NKAIN2: variants seen among roughly 807,000 people sequenced by gnomAD.
NKAIN2 encodes sodium/potassium transporting ATPase interacting 2, also known as sodium/potassium-transporting ATPase subunit beta-1-interacting protein 2.
Under a neutral mutation model 32.6 loss-of-function variants are expected in NKAIN2, and 14 were observed. The observed-to-expected ratio is 0.43, with a 90% CI of 0.28 to 0.67. The LOEUF (loss-of-function observed/expected upper bound fraction) is 0.67, where lower values mean the gene tolerates loss of function less well. Among genes scored for constraint, NKAIN2 ranks in the 30% least tolerant of loss-of-function variants. NKAIN2 has a pLI of 0.17. For missense variants in NKAIN2, 198 were observed against 258.3 expected (o/e 0.77, Z 1.60); for synonymous variants, 80 against 87.2 (o/e 0.92, Z 0.46).
At chr6:124,006,039 C>T (rs1037135368) in intron 1 of NKAIN2, among the ~76,000 whole-genome samples, 1 of 152,148 alleles carries the variant, frequency 6.6e-6, no homozygotes, top group Non-Finnish European at 1.5e-5. Context: ...GTACAAAATG[C>T]TGTTGTTATG....
chr6:124,433,100 A>G (rs1775287099), intron 3 of NKAIN2, among the ~76,000 whole-genome samples: 1 of 152,154 alleles, frequency 6.6e-6, no homozygotes, highest in African/African-American at 2.4e-5. Context: ...TCGACTTTGG[A>G]GAAAACCTGG....
intron 1 of NKAIN2, among the ~76,000 whole-genome samples, chr6:124,159,724 A>C (rs553820065): frequency 1.3e-5 from 2 of 152,310 alleles, no homozygotes; most frequent in South Asian, 4.1e-4. Context: ...GGAACTAGGA[A>C]ACAAAGGATT....
At chr6:124,398,293 A>C (rs947666200) in intron 3 of NKAIN2, among the ~76,000 whole-genome samples, 1 of 149,566 alleles carries the variant, frequency 6.7e-6, no homozygotes, top group Non-Finnish European at 1.5e-5. Context: ...GATGAGCCCA[A>C]ATTACAGAAT....
At chr6:124,496,330 C>T (rs964172758) in intron 3 of NKAIN2, among the ~76,000 whole-genome samples, 3 of 152,062 alleles carry the variant, frequency 2.0e-5, no homozygotes, top group African/African-American at 7.2e-5. Context: ...GTATGGATAA[C>T]CTTTTTTTAA....
chr6:123,858,358 TGCCCGCCTCG>T (rs1353109142), intron 1 of NKAIN2, among the ~76,000 whole-genome samples: 8 of 152,108 alleles, frequency 5.3e-5, no homozygotes, highest in African/African-American at 1.9e-4. Flanking sequence ...TCAGGTGATC[TGCCCGCCTCG>T]GCCTCCCAAA....
At chr6:123,946,783 A>C (rs952146358) in intron 1 of NKAIN2, among the ~76,000 whole-genome samples, 1 of 152,122 alleles carries the variant, frequency 6.6e-6, no homozygotes, top group Non-Finnish European at 1.5e-5. Flanking sequence ...GTAAAAGTTT[A>C]AGACAGCTGC....
chr6:124,468,300 A>G (rs1304156950), intron 3 of NKAIN2, among the ~76,000 whole-genome samples: 1 of 152,174 alleles, frequency 6.6e-6, no homozygotes, highest in Non-Finnish European at 1.5e-5. Context: ...TTAAAATGTC[A>G]ATGTCAACCA....
chr6:124,737,899 T>C (rs1485730857), intron 4 of NKAIN2, among the ~76,000 whole-genome samples: 1 of 151,892 alleles, frequency 6.6e-6, no homozygotes, highest in African/African-American at 2.4e-5. Flanking sequence ...GAGAGATGAC[T>C]TAGGGTATCT....
chr6:124,225,691 TATTG>T lies in NKAIN2; in HGVS notation c.55-57310_55-57307del, dbSNP rs137908990. Among the ~76,000 whole-genome samples, 380 of 152,122 alleles carry T rather than the reference TATTG, an allele frequency of 2.5e-3. 2 individuals carry two copies. Among genetic ancestry groups the T allele is most frequent in the African/African-American group, 8.8e-3 (367 of 41,518 alleles). On this transcript the variant is annotated intron_variant, in intron 1 of 6. Transcript: ENST00000368417. Reference sequence around the variant, plus strand: ...TAAAAATATGAGAAACACTTATTTTTATTGATTATTTTCAAATATGTATAATATA... The same window carrying T: ...TAAAAATATGAGAAACACTTATTTTTATTATTTTCAAATATGTATAATATA...
At chr6:124,532,979 G>A (rs1303444483) in intron 3 of NKAIN2, among the ~76,000 whole-genome samples, 1 of 152,134 alleles carries the variant, frequency 6.6e-6, no homozygotes, top group Non-Finnish European at 1.5e-5. Flanking sequence ...TTGCTTCCTG[G>A]TGATGAGGCG....
chr6:124,018,393 C>T (rs1780693026), intron 1 of NKAIN2, among the ~76,000 whole-genome samples: 1 of 152,180 alleles, frequency 6.6e-6, no homozygotes, highest in Non-Finnish European at 1.5e-5. Context: ...CTTCTAGTTA[C>T]TTATGCAACT....
intron 3 of NKAIN2, among the ~76,000 whole-genome samples, chr6:124,369,906 G>T (rs1799680027): frequency 1.4e-4 from 1 of 6,996 alleles, no homozygotes; most frequent in African/African-American, 1.9e-3. Context: ...TTTAACCTGT[G>T]GATTCACTCT....
chr6:124,578,597 G>A (rs532463752), intron 3 of NKAIN2, among the ~76,000 whole-genome samples: 5 of 152,250 alleles, frequency 3.3e-5, no homozygotes, highest in African/African-American at 1.2e-4. Context: ...TCAACTCTGG[G>A]CCCTGCTCCT....
intron 1 of NKAIN2, among the ~76,000 whole-genome samples, chr6:123,957,486 A>G (rs112162427): frequency 1.6e-4 from 25 of 152,316 alleles, no homozygotes; most frequent in African/African-American, 5.8e-4. Flanking sequence ...TTTTCAATAT[A>G]TAGGGTATTT....
chr6:124,400,596 A>G (rs1333765959), intron 3 of NKAIN2, among the ~76,000 whole-genome samples: 3 of 152,222 alleles, frequency 2.0e-5, no homozygotes, highest in Non-Finnish European at 2.9e-5. Context: ...TGTCTGCTGT[A>G]CACCAAGTTT....
At chr6:124,728,337 G>C (rs78105574) in intron 4 of NKAIN2, among the ~76,000 whole-genome samples, 11,433 of 54,518 alleles carry the variant, frequency 0.21, 1,148 homozygotes, top group East Asian at 0.35. Context: ...TGTAAAAGAA[G>C]AGAAATTATA....
At chr6:124,129,459 T>C (rs1310992694) in intron 1 of NKAIN2, among the ~76,000 whole-genome samples, 2 of 152,196 alleles carry the variant, frequency 1.3e-5, no homozygotes, top group Non-Finnish European at 2.9e-5. Context: ...TATTGGAATG[T>C]CTTCATTTTT....
intron 4 of NKAIN2, chr6:124,658,902 CTA>C: frequency 6.5e-6 from 1 of 154,512 alleles, no homozygotes; most frequent in South Asian, 2.0e-4. Flanking sequence ...ATCACATTTT[CTA>C]TAGATTCTAA....
intron 3 of NKAIN2, among the ~76,000 whole-genome samples, chr6:124,430,138 C>T (rs1775152924): frequency 6.6e-6 from 1 of 152,076 alleles, no homozygotes; most frequent in South Asian, 2.1e-4. Context: ...AAATGAATTA[C>T]TGGAATAATT....
Sources: gnomAD v4.1 joint callset for allele counts (sites outside exome capture counted in the v4.1 genomes callset) on GRCh38, gnomAD v4.1.1 for gene constraint, MANE v1.5 for transcripts, NCBI Gene and HGNC (gene_info 2026-07-23, HGNC 2026-07-21) for gene names.